WRNIP1: variants seen among roughly 807,000 people sequenced by gnomAD.
WRNIP1 encodes the protein WRN helicase interacting protein 1.
WRNIP1 carries 41 observed loss-of-function variants against 56.1 expected under a neutral mutation model. That is an observed-to-expected ratio of 0.73 (90% CI 0.57 to 0.95). WRNIP1 has a LOEUF of 0.95. WRNIP1 is among the 40% of genes least tolerant of loss of function. WRNIP1 has a pLI of 0.00. For synonymous variants in WRNIP1, 547 were observed against 398.1 expected, an observed-to-expected ratio of 1.37 and a Z score of -4.45; for missense variants, 1,170 against 939.4, an observed-to-expected ratio of 1.25 and a Z score of -3.21.
chr6:2,776,275 A>G (rs923912675), intron 3 of WRNIP1, among the ~76,000 whole-genome samples: 6 of 152,210 alleles, frequency 3.9e-5, no homozygotes, highest in Non-Finnish European at 8.8e-5. Context: ...TTCCCTGCTC[A>G]GTCGTCTTCA....
intron 3 of WRNIP1, among the ~76,000 whole-genome samples, chr6:2,775,866 A>C (rs1412472612): frequency 6.6e-6 from 1 of 152,208 alleles, no homozygotes; most frequent in East Asian, 1.9e-4. Flanking sequence ...ATAACAACAT[A>C]ATTTACTTCC....
intron 5 of WRNIP1, among the ~76,000 whole-genome samples, chr6:2,783,981 C>T (rs1258367138): frequency 6.6e-6 from 1 of 152,152 alleles, no homozygotes; most frequent in Non-Finnish European, 1.5e-5. Flanking sequence ...AAGCTCTCCT[C>T]TTCTTTGGTC....
intron 1 of WRNIP1, among the ~76,000 whole-genome samples, chr6:2,768,213 G>T (rs1765112298): frequency 1.3e-5 from 2 of 152,146 alleles, no homozygotes; most frequent in South Asian, 4.1e-4. Context: ...TGGTCTCAAG[G>T]CAAATGCTCC....
At position 2,785,054 on chromosome 6, in the gene WRNIP1, C is replaced by T; in HGVS notation, c.1770C>T (p.Ser590=). 2 of 1,614,128 alleles carry T rather than the reference C, an allele frequency of 1.2e-6. No individual in the cohort carries two copies. Among genetic ancestry groups the T allele is most frequent in the Non-Finnish European group, 1.7e-6 (2 of 1,180,028 alleles). Residue 590 remains serine, a synonymous_variant, in exon 7 of 7, where the codon TCC becomes TCT. Transcript: ENST00000380773. The part of the protein sequence containing the change: ...CVVYFARAPK[S]IEVYSAYNNV... ...TCTACTTTGCCAGAGCCCCAAAGTC[C>T]ATTGAGGTGTACAGCGCCTACAACA...
rs1008944399 is a variant in WRNIP1 at position 2,783,216 on chromosome 6, G to A, written c.1487-190G>A. On this transcript the variant is annotated intron_variant, in intron 4 of 6. Transcript: ENST00000380773. ...TGCAGCAGCCTCTTCCCCTGAATAG[G>A]ACTGGGATTAAGCCCCAGCAGCTGG... 2.3e-4 allele frequency among the ~76,000 whole-genome samples: 35 copies of A among 152,278 alleles called. 1 individual carries two copies. Among genetic ancestry groups the A allele is most frequent in the Middle Eastern group, 3.4e-3 (1 of 294 alleles).
chr6:2,776,603 T>C (rs1765437451), intron 3 of WRNIP1, among the ~76,000 whole-genome samples: 1 of 152,216 alleles, frequency 6.6e-6, no homozygotes, highest in African/African-American at 2.4e-5. Context: ...ATAAAATACA[T>C]AATCATTGCT....
chr6:2,775,955 A>G (rs1343344861), intron 3 of WRNIP1, among the ~76,000 whole-genome samples: 1 of 152,178 alleles, frequency 6.6e-6, no homozygotes, highest in African/African-American at 2.4e-5. Context: ...TTTTTATTGT[A>G]TTCTACCTTT....
intron 3 of WRNIP1, among the ~76,000 whole-genome samples, chr6:2,777,263 C>T (rs770111687): frequency 3.3e-5 from 5 of 152,196 alleles, no homozygotes; most frequent in Non-Finnish European, 7.3e-5. Flanking sequence ...TATTGGATGC[C>T]TATCATCTAC....
At chr6:2,784,898 G>A in intron 6 of WRNIP1, 109 bp from the exon 7 acceptor site, 2 of 1,374,026 alleles carry the variant, frequency 1.5e-6, no homozygotes, top group Non-Finnish European at 2.0e-6. Context: ...GATAATAAAA[G>A]CATGTGGGGA....
Position 2,785,490 on chromosome 6 carries a change from G to T in WRNIP1, c.*208G>T, listed in dbSNP as rs1478824867. 1.7e-6 allele frequency: 1 copy of T among 579,070 alleles called. No individual in the cohort carries two copies. Among genetic ancestry groups the T allele is most frequent in the African/African-American group, 1.9e-5 (1 of 53,814 alleles). The allele number at this position is 579,070 out of a possible 1,614,324, so 35.9% of individuals were successfully genotyped here. ...GTGTTCATTTGCACTCGGTGCAGCG[G>T]TTATGCTTATGAAAATACCTGGCAG... On this transcript the variant is annotated 3_prime_UTR_variant, in exon 7 of 7. Coordinates refer to ENST00000380773, the MANE Select transcript of WRNIP1 (RefSeq NM_020135.3).
chr6:2,765,426 G>A lies in WRNIP1; in HGVS notation c.-197G>A. The A allele has an allele frequency of 1.8e-6, 1 of 544,752 alleles. No homozygotes were observed. Among genetic ancestry groups the A allele is most frequent in the Non-Finnish European group, 2.7e-6 (1 of 376,500 alleles). The allele number at this position is 544,752 out of a possible 1,614,324, so 33.7% of individuals were successfully genotyped here. A position where few individuals can be genotyped will look rare whatever the true frequency, so the allele number is the denominator to read the frequency against. ...CGACACGCCGCGTGAGGCGCTGCCAGCGGCCGGCCGAGGGCGGGCGGACGC... is the reference window on the plus strand; with the variant it reads ...CGACACGCCGCGTGAGGCGCTGCCAACGGCCGGCCGAGGGCGGGCGGACGC... On this transcript the variant is annotated 5_prime_UTR_variant, in exon 1 of 7. Transcript: ENST00000380773.
In WRNIP1 at chr6:2,783,435, C is replaced by T. The variant is rs754563909; in HGVS notation, c.1516C>T (p.Leu506=). The T allele has an allele frequency of 2.5e-6, 4 of 1,611,346 alleles. No homozygotes were observed. The highest frequency in any genetic ancestry group is 1.7e-5 in the Admixed American group (1 of 59,768). ...GGAGCATTACAACTGCATCTCCGCC[C>T]TGCACAAGTCCATGCGGGGCTCAGA... is the stretch of plus-strand genomic sequence containing the variant. ...GEEHYNCISA[L]HKSMRGSDQN... The change falls in exon 5 of 7, where the codon CTG becomes TTG. Residue 506 remains leucine (L), a synonymous_variant. Transcript: ENST00000380773.
chr6:2,770,400 T>A, intron 3 of WRNIP1, 39 bp downstream of exon 3: 1 of 1,606,430 alleles, frequency 6.2e-7, no homozygotes, highest in Non-Finnish European at 8.5e-7. Context: ...GGCACACACC[T>A]CCCAGAGAGT....
chr6:2,785,069 C>T lies in WRNIP1; in HGVS notation c.1785C>T (p.Ser595=), dbSNP rs775931438. Residue 595 remains serine, a synonymous_variant, in exon 7 of 7, where the codon AGC becomes AGT. Transcript: ENST00000380773. The stretch of plus-strand genomic sequence containing the variant: ...CCCCAAAGTCCATTGAGGTGTACAG[C>T]GCCTACAACAACGTCAAAGCCTGCC... ...ARAPKSIEVY[S]AYNNVKACLR... is the part of the protein sequence containing the mutation. 1.9e-6 allele frequency: 3 copies of T among 1,614,152 alleles called. No homozygotes were observed. Among genetic ancestry groups the T allele is most frequent in the Admixed American group, 1.7e-5 (1 of 60,020 alleles).
intron 4 of WRNIP1, among the ~76,000 whole-genome samples, chr6:2,780,359 C>T (rs1269314447): frequency 6.6e-6 from 1 of 152,150 alleles, no homozygotes; most frequent in East Asian, 1.9e-4. Flanking sequence ...GGTGGAGGGG[C>T]TTAAGAATGA....
chr6:2,769,147 C>G (rs761090246), intron 2 of WRNIP1, among the ~76,000 whole-genome samples: 1 of 152,156 alleles, frequency 6.6e-6, no homozygotes, highest in Non-Finnish European at 1.5e-5. Context: ...ATCAAATTTC[C>G]AGTTTTAGGA....
chr6:2,783,673 G>GCCCGCCC, intron 5 of WRNIP1, 112 bp downstream of exon 5: 1 of 404,230 alleles, frequency 2.5e-6, no homozygotes, highest in Non-Finnish European at 4.4e-6. Flanking sequence ...GGTGGGCGGG[G>GCCCGCCC]GTAGCAGGAA....
intron 4 of WRNIP1, among the ~76,000 whole-genome samples, chr6:2,781,962 G>A (rs1017990866): frequency 2.0e-5 from 3 of 152,264 alleles, no homozygotes; most frequent in African/African-American, 7.2e-5. Flanking sequence ...CCCAGAGCCT[G>A]TGCTCTTGTC....
chr6:2,777,226 C>T (rs951570938), intron 3 of WRNIP1, among the ~76,000 whole-genome samples: 13 of 152,176 alleles, frequency 8.5e-5, no homozygotes, highest in African/African-American at 2.9e-4. Context: ...TATGATAAAA[C>T]TGAAGTTAGT....
Sources: gnomAD v4.1 joint callset for allele counts (sites outside exome capture counted in the v4.1 genomes callset) on GRCh38, gnomAD v4.1.1 for gene constraint, MANE v1.5 for transcripts, NCBI Gene and HGNC (gene_info 2026-07-23, HGNC 2026-07-21) for gene names.